Variants in SERAC1 observed in about 807,000 individuals in gnomAD.
SERAC1 encodes protein SERAC1.
SERAC1 carries 36 observed loss-of-function variants against 85.7 expected under a neutral mutation model. The ratio of observed to expected loss-of-function variants is 0.42; its 90% CI spans 0.32 to 0.55. The LOEUF (loss-of-function observed/expected upper bound fraction) is 0.55, where lower values mean the gene tolerates loss of function less well. Ranked by LOEUF, SERAC1 falls within the 20% of genes least tolerant of loss-of-function variation. SERAC1 has a pLI of 0.11. For synonymous variants in SERAC1, 242 were observed against 265.3 expected (o/e 0.91, Z 0.85); for missense variants, 629 against 796.2 (o/e 0.79, Z 2.53).
In SERAC1 at chr6:158,143,036, G is replaced by C. The variant is rs1474482987; in HGVS notation, c.738+20C>G. ...GGGTGGACACTCAAAAATATTTACT[G>C]AATGAATACATGAACTAACCTTCTG... On this transcript the variant is annotated intron_variant, in intron 8 of 16. Coordinates refer to ENST00000647468, the MANE Select transcript of SERAC1 (RefSeq NM_032861.4). The C allele has an allele frequency of 6.3e-7, 1 of 1,591,302 alleles. No homozygotes were observed. The highest frequency in any genetic ancestry group is 1.3e-5 in the African/African-American group (1 of 74,104).
intron 1 of SERAC1, among the ~76,000 whole-genome samples, chr6:158,163,502 T>G (rs2128426171): frequency 6.6e-6 from 1 of 152,140 alleles, no homozygotes; most frequent in East Asian, 1.9e-4. Flanking sequence ...ATCAACTGAC[T>G]ATATCTGCGG....
rs1180619252 is a variant in SERAC1 at position 158,130,422 on chromosome 6, GAAGGAAC to G, written c.796_802del (p.Val266GlnfsTer9). The stretch of plus-strand genomic sequence containing the variant: ...TAAACAGAACATTTCCACTGTTGCT[GAAGGAAC>G]TTCTCCAAAACTTTCAGCATAAGGA... On this transcript the variant is annotated frameshift_variant, in exon 9 of 17. Transcript: ENST00000647468. LOFTEE classifies it high-confidence loss of function. 1 of 1,603,126 alleles carries G rather than the reference GAAGGAAC, an allele frequency of 6.2e-7. No individual in the cohort carries two copies. Among genetic ancestry groups the G allele is most frequent in the Non-Finnish European group, 8.5e-7 (1 of 1,176,186 alleles).
chr6:158,158,189 A>C (rs1188778414), intron 2 of SERAC1, 84 bp downstream of exon 2: 8 of 991,006 alleles, frequency 8.1e-6, no homozygotes, highest in Non-Finnish European at 1.2e-5. Context: ...TGGGTTCAAA[A>C]AGTTTTTGTG....
intron 4 of SERAC1, among the ~76,000 whole-genome samples, chr6:158,150,087 G>A (rs1173176395): frequency 6.6e-6 from 1 of 152,144 alleles, no homozygotes; most frequent in African/African-American, 2.4e-5. Context: ...AGTTTGGTTT[G>A]CATGAATACA....
At chr6:158,128,321 C>A (rs192916502) in intron 9 of SERAC1, 51 bp from the exon 10 acceptor site, 1 of 1,583,858 alleles carries the variant, frequency 6.3e-7, no homozygotes, top group African/African-American at 1.4e-5. Flanking sequence ...AAATTCATGA[C>A]GTGAGATGAC....
intron 8 of SERAC1, among the ~76,000 whole-genome samples, chr6:158,136,464 AGTCGCCTCTGTACG>A (rs1224555388): frequency 6.6e-6 from 1 of 152,206 alleles, no homozygotes; most frequent in Non-Finnish European, 1.5e-5. Context: ...TGGGGCTGAC[AGTCGCCTCTGTACG>A]TGAGGAGTTT....
rs369123413 is a variant in SERAC1, at chr6:158,150,449, T to C, written c.265+4A>G. The C allele has an allele frequency of 1.3e-6, 2 of 1,558,994 alleles. No homozygotes were observed. Among genetic ancestry groups the C allele is most frequent in the African/African-American group, 2.7e-5 (2 of 73,404 alleles). ...CACAGAGGATTACTTTACAATAAAC[T>C]TACCATGATTTTCTCCTTTGTCTAA... On this transcript the variant is annotated splice_donor_region_variant and intron_variant, in intron 4 of 16. Transcript: ENST00000647468.
rs1562428923 is a variant in SERAC1, at chr6:158,111,360, C to CA, written c.*5dup. ...TTCACATATGAAAACTGGAAGAGCA[C>CA]AACTGTTAGTTTTCAAGGTCTTTGG... On this transcript the variant is annotated 3_prime_UTR_variant, in exon 17 of 17. Transcript: ENST00000647468. 1 of 1,578,052 alleles carries CA rather than the reference C, an allele frequency of 6.3e-7. No homozygotes were observed. The highest frequency in any genetic ancestry group is 8.6e-7 in the Non-Finnish European group (1 of 1,167,918).
chr6:158,148,839 T>C lies in SERAC1; in HGVS notation c.355+26A>G, dbSNP rs778474738. ...ATGACTTTCAGATTACTGATAAGGA[T>C]TCCAAGTCATATAGTGGATATTTAC... On this transcript the variant is annotated intron_variant, in intron 5 of 16. Transcript: ENST00000647468. 1.1e-5 allele frequency: 16 copies of C among 1,505,296 alleles called. No homozygotes were observed. The Admixed American group carries it at 1.6e-4, about 15-fold the overall frequency. 93.2% of individuals were successfully genotyped at this position (1,505,296 alleles called of 1,614,324 possible).
rs376272329 is a variant in SERAC1, at chr6:158,146,801, C to A, written c.468G>T (p.Ser156=). 1.2e-6 allele frequency: 2 copies of A among 1,613,638 alleles called. No individual in the cohort carries two copies. Among genetic ancestry groups the A allele is most frequent in the African/African-American group, 2.7e-5 (2 of 74,876 alleles). ...CATTACCATGCCAGTGATGGGTCTC[C>A]GACATTTCCCGCACAGCCTCGAGTC... ...TTRLEAVREM[S]ETHHWHDYQY... The change falls in exon 6 of 17, where the codon TCG becomes TCT. Residue 156 remains serine, a synonymous_variant. Transcript: ENST00000647468.
intron 5 of SERAC1, among the ~76,000 whole-genome samples, chr6:158,147,496 C>A (rs893342112): frequency 2.6e-5 from 4 of 151,548 alleles, no homozygotes; most frequent in African/African-American, 9.7e-5. Flanking sequence ...CGAGGTGGCT[C>A]ACACCTGTAA....
At chr6:158,140,455 G>A (rs1784890607) in intron 8 of SERAC1, among the ~76,000 whole-genome samples, 1 of 152,316 alleles carries the variant, frequency 6.6e-6, no homozygotes, top group South Asian at 2.1e-4. Flanking sequence ...GCACCCGGAG[G>A]GGCATGAAGG....
chr6:158,151,380 C>T (rs1785200666), intron 3 of SERAC1, among the ~76,000 whole-genome samples: 1 of 152,138 alleles, frequency 6.6e-6, no homozygotes, highest in South Asian at 2.1e-4. Context: ...CCACGAGTAG[C>T]CGCTGCTCTC....
intron 3 of SERAC1, among the ~76,000 whole-genome samples, chr6:158,151,716 C>T (rs936820718): frequency 2.0e-5 from 3 of 152,118 alleles, no homozygotes; most frequent in South Asian, 2.1e-4. Context: ...TGAGCTGCCG[C>T]GCCCGGCCTC....
Position 158,111,193 on chromosome 6 carries a change from G to T in SERAC1, c.*173C>A. ...CTTCTGTGCCTGCCACTTCCGGGTT[G>T]GTGCTTTACAGCGCTTGAAGGGAGA... On this transcript the variant is annotated 3_prime_UTR_variant, in exon 17 of 17. Transcript: ENST00000647468. 1.9e-6 allele frequency: 1 copy of T among 522,928 alleles called. No homozygotes were observed. The highest frequency in any genetic ancestry group is 3.1e-6 in the Non-Finnish European group (1 of 319,592). 32.4% of individuals were successfully genotyped at this position (522,928 alleles called of 1,614,324 possible).
chr6:158,165,664 C>T (rs539075685), intron 1 of SERAC1, among the ~76,000 whole-genome samples: 1 of 152,320 alleles, frequency 6.6e-6, no homozygotes, highest in East Asian at 1.9e-4. Flanking sequence ...ATGGTCAATG[C>T]TTTTTGATTG....
At chr6:158,160,352 C>T (rs979028330) in intron 1 of SERAC1, among the ~76,000 whole-genome samples, 1 of 152,186 alleles carries the variant, frequency 6.6e-6, no homozygotes, top group Non-Finnish European at 1.5e-5. Flanking sequence ...GTGCAAAACA[C>T]CCCAATCTGT....
At chr6:158,124,068 A>G (rs1583568292) in intron 10 of SERAC1, among the ~76,000 whole-genome samples, 1 of 152,340 alleles carries the variant, frequency 6.6e-6, no homozygotes, top group African/African-American at 2.4e-5. Context: ...CATGGAATTG[A>G]GGCCAAGGTG....
rs9365928 is a variant in SERAC1 at position 158,147,129 on chromosome 6, G to A, written c.356-216C>T. Among the ~76,000 whole-genome samples, 45,675 of 151,344 alleles carry A rather than the reference G, an allele frequency of 0.3. 8,270 individuals carry two copies. The highest frequency in any genetic ancestry group is 0.51 in the Admixed American group (7,817 of 15,232). On this transcript the variant is annotated intron_variant, in intron 5 of 16. Coordinates refer to ENST00000647468, the MANE Select transcript of SERAC1 (RefSeq NM_032861.4). ...CTGTGTGTGCTTTTTTTTGGATGGG[G>A]GGGCAGGGGTCAGTTTTGTTTTGTT...
Sources: allele counts gnomAD v4.1 joint callset (sites outside exome capture counted in the v4.1 genomes callset), GRCh38; gene constraint gnomAD v4.1.1; transcripts MANE v1.5; gene names NCBI Gene and HGNC (gene_info 2026-07-23, HGNC 2026-07-21).